Variants in HCN4 observed in about 807,000 individuals in gnomAD.
The protein encoded by HCN4 is potassium/sodium hyperpolarization-activated cyclic nucleotide-gated channel 4.
A neutral mutation model predicts 76.9 loss-of-function variants in HCN4; 29 were observed. The ratio of observed to expected loss-of-function variants is 0.38; its 90% CI spans 0.28 to 0.51. HCN4 has a LOEUF of 0.51. Ranked by LOEUF, HCN4 falls within the 20% of genes least tolerant of loss-of-function variation. The probability of loss-of-function intolerance (pLI) is 0.90; values close to 1 mark genes in which losing one functional copy is unlikely to be tolerated. For missense variants in HCN4, 1,416 were observed against 1,715.2 expected (o/e 0.83, Z 3.08); for synonymous variants, 772 against 762.5 (o/e 1.01, Z -0.21).
intron 1 of HCN4, among the ~76,000 whole-genome samples, chr15:73,364,730 G>A (rs1018322727): frequency 1.3e-5 from 2 of 152,136 alleles, no homozygotes; most frequent in African/African-American, 4.8e-5. Flanking sequence ...ATCGGGGGCA[G>A]GTAGAGTAAT....
At chr15:73,344,706 G>A (rs2043022366) in intron 1 of HCN4, among the ~76,000 whole-genome samples, 1 of 152,194 alleles carries the variant, frequency 6.6e-6, no homozygotes, top group Non-Finnish European at 1.5e-5. Flanking sequence ...TCAGGGCAAA[G>A]CCTTGGAGAA....
At chr15:73,362,993 A>G (rs2043112580) in intron 1 of HCN4, among the ~76,000 whole-genome samples, 1 of 152,210 alleles carries the variant, frequency 6.6e-6, no homozygotes, top group Non-Finnish European at 1.5e-5. Context: ...CTGCCTTGTC[A>G]GGTGGGACAC....
intron 1 of HCN4, among the ~76,000 whole-genome samples, chr15:73,352,862 G>T (rs926596227): frequency 3.3e-5 from 5 of 152,216 alleles, no homozygotes; most frequent in African/African-American, 9.6e-5. Context: ...GACCCAGGAG[G>T]AGTCTTAGGG....
chr15:73,339,298 G>A (rs948593427), intron 2 of HCN4, among the ~76,000 whole-genome samples: 6 of 152,186 alleles, frequency 3.9e-5, no homozygotes, highest in Admixed American at 2.0e-4. Flanking sequence ...CCAAGATGGT[G>A]GCCCACCTGC....
chr15:73,325,403 C>A lies in HCN4; in HGVS notation c.1632G>T (p.Pro544=), dbSNP rs544585089. 6.2e-7 allele frequency: 1 copy of A among 1,614,096 alleles called. No individual in the cohort carries two copies. The highest frequency in any genetic ancestry group is 1.1e-5 in the South Asian group (1 of 91,082). Residue 544 remains proline (P), a synonymous_variant, in exon 5 of 8, where the codon CCG becomes CCT. Transcript: ENST00000261917. The surrounding 1 kb of genome is among the most constrained non-coding windows in gnomAD (Gnocchi z 7.4). ...VEQYMSFHKL[P]PDTRQRIHDY... is the part of the protein sequence containing the mutation. Reference sequence around the variant, plus strand: ...CGTGGATGCGCTGCCGGGTGTCGGGCGGGAGCTTGTGAAAGGACATGTACT... The same window carrying A: ...CGTGGATGCGCTGCCGGGTGTCGGGAGGGAGCTTGTGAAAGGACATGTACT...
At position 73,322,571 on chromosome 15, in the gene HCN4, A is replaced by G. The variant is rs2042866436; in HGVS notation, c.3522T>C (p.Ser1174=). Residue 1174 remains serine, a synonymous_variant, in exon 8 of 8, where the codon TCT becomes TCC. Coordinates refer to ENST00000261917, the MANE Select transcript of HCN4 (RefSeq NM_005477.3). ...PLSLFGARAT[S]SGGPPLTAGP... ...CAGCAGTCAGAGGGGGCCCCCCAGA[A>G]GAGGTGGCTCTTGCCCCAAACAAAG... is the stretch of plus-strand genomic sequence containing the variant. The G allele has an allele frequency of 1.2e-6, 2 of 1,609,272 alleles. No individual in the cohort carries two copies. The highest frequency in any genetic ancestry group is 4.5e-5 in the East Asian group (2 of 44,702).
At chr15:73,362,645 C>T (rs2043110258) in intron 1 of HCN4, among the ~76,000 whole-genome samples, 2 of 152,202 alleles carry the variant, frequency 1.3e-5, no homozygotes, top group Admixed American at 6.5e-5. Context: ...CCTGGGGACA[C>T]TGGGCCCTAA....
chr15:73,355,710 C>T (rs2043075342), intron 1 of HCN4, among the ~76,000 whole-genome samples: 1 of 152,206 alleles, frequency 6.6e-6, no homozygotes, highest in Non-Finnish European at 1.5e-5. Flanking sequence ...TCCTCCTCTG[C>T]AGACCCTATG....
intron 1 of HCN4, among the ~76,000 whole-genome samples, chr15:73,344,320 G>C (rs1278525618): frequency 6.6e-6 from 1 of 152,132 alleles, no homozygotes; most frequent in Non-Finnish European, 1.5e-5. Flanking sequence ...GGAGGCCCAG[G>C]CTCCGGCCCC....
intron 2 of HCN4, among the ~76,000 whole-genome samples, chr15:73,341,739 G>A (rs2043004945): frequency 6.6e-6 from 1 of 152,146 alleles, no homozygotes; most frequent in African/African-American, 2.4e-5. Flanking sequence ...GGAGAGTCAC[G>A]GCCCCTCTCT....
rs754727672 is a variant in HCN4 at position 73,324,198 on chromosome 15, G to A, written c.2034C>T (p.Tyr678=). Residue 678 remains tyrosine, a synonymous_variant, in exon 7 of 8, where the codon TAC becomes TAT. Coordinates refer to ENST00000261917, the MANE Select transcript of HCN4 (RefSeq NM_005477.3). ...RRTASVRADT[Y]CRLYSLSVDN... is the part of the protein sequence containing the mutation. The stretch of plus-strand genomic sequence containing the variant: ...CCACGCTCAGCGAGTAGAGGCGGCA[G>A]TAGGTGTCGGCCCTCACGCTGGCTG... The A allele has an allele frequency of 1.2e-6, 2 of 1,614,122 alleles. No individual in the cohort carries two copies. The highest frequency in any genetic ancestry group is 2.7e-5 in the African/African-American group (2 of 75,066).
intron 1 of HCN4, among the ~76,000 whole-genome samples, chr15:73,360,346 A>G (rs1322776594): frequency 6.6e-6 from 1 of 152,126 alleles, no homozygotes; most frequent in Non-Finnish European, 1.5e-5. Context: ...TGTGACCTTG[A>G]GCCAGCTGCT....
chr15:73,325,030 T>G lies in HCN4; in HGVS notation c.1903A>C (p.Ile635Leu). 6.2e-7 allele frequency: 1 copy of G among 1,614,228 alleles called. No homozygotes were observed. Among genetic ancestry groups the G allele is most frequent in the Non-Finnish European group, 8.5e-7 (1 of 1,180,050 alleles). Residue 635 changes from isoleucine (I) to leucine (L), a missense_variant, in exon 6 of 8, where the codon ATC becomes CTC. This residue lies in a region of HCN4 where 241 missense variants were observed against 379.4 expected (regional missense o/e 0.64). Coordinates refer to ENST00000261917, the MANE Select transcript of HCN4 (RefSeq NM_005477.3). This position sits in a 1 kb window ranked among gnomAD's most constrained non-coding sequence, Gnocchi z 7.4. ...EGTIGKKMYFIQHGVVSVLTK... is the reference protein window; with the variant it reads ...EGTIGKKMYFLQHGVVSVLTK... ...AGCACGCTGACCACGCCATGCTGGA[T>G]GAAGTACATCTTCTTGCCAATGGTG...
intron 2 of HCN4, among the ~76,000 whole-genome samples, chr15:73,337,567 A>T (rs2042974364): frequency 6.6e-6 from 1 of 152,160 alleles, no homozygotes; most frequent in Non-Finnish European, 1.5e-5. Context: ...TATCGCCTTT[A>T]TCTTTTCATT....
intron 2 of HCN4, 111 bp from the exon 3 acceptor site, chr15:73,332,403 C>T (rs1461678124): frequency 5.5e-6 from 6 of 1,095,078 alleles, no homozygotes; most frequent in African/African-American, 4.6e-5. Context: ...CTGGACTCTG[C>T]AGGGCGCCCA....
At chr15:73,347,487 G>T (rs1056790400) in intron 1 of HCN4, among the ~76,000 whole-genome samples, 1 of 152,196 alleles carries the variant, frequency 6.6e-6, no homozygotes. Flanking sequence ...CCTGATGCTA[G>T]GGCTGTCTGA....
rs1211118308 is a variant in HCN4, at chr15:73,319,997, C to T, written c.*2484G>A. On this transcript the variant is annotated 3_prime_UTR_variant, in exon 8 of 8. Coordinates refer to ENST00000261917, the MANE Select transcript of HCN4 (RefSeq NM_005477.3). The stretch of plus-strand genomic sequence containing the variant: ...TGCCTGCACCTGTCTGTCCCAGTCT[C>T]TGCAGAGTGGCCAGGTTGGGTCAGA... 1 of 152,228 alleles carries T rather than the reference C, an allele frequency of 6.6e-6. No individual in the cohort carries two copies. Among genetic ancestry groups the T allele is most frequent in the East Asian group, 1.9e-4 (1 of 5,196 alleles). The allele number at this position is 152,228 out of a possible 1,614,324, so 9.4% of individuals were successfully genotyped here. A position where few individuals can be genotyped will look rare whatever the true frequency, so the allele number is the denominator to read the frequency against.
intron 1 of HCN4, among the ~76,000 whole-genome samples, chr15:73,365,643 G>A (rs901059853): frequency 2.6e-5 from 4 of 152,354 alleles, no homozygotes; most frequent in Admixed American, 1.3e-4. Context: ...AGGTAAGGGA[G>A]ATAGGAAGGG....
rs748390014 is a variant in HCN4 at position 73,322,519 on chromosome 15, G to A, written c.3574C>T (p.Pro1192Ser). 6.2e-7 allele frequency: 1 copy of A among 1,602,698 alleles called. No individual in the cohort carries two copies. Among genetic ancestry groups the A allele is most frequent in the Non-Finnish European group, 8.5e-7 (1 of 1,174,762 alleles). The change falls in exon 8 of 8, where the codon CCT becomes TCT. Residue 1192 changes from proline (P) to serine (S), a missense_variant. Coordinates refer to ENST00000261917, the MANE Select transcript of HCN4 (RefSeq NM_005477.3). The part of the protein sequence containing the change: ...AGPQREPGAR[P>S]EPVRSKLPSN... ...GGCAGTTTGGAGCGCACTGGCTCAG[G>A]CCTGGCCCCAGGTTCCCTCTGGGGT... is the stretch of plus-strand genomic sequence containing the variant.
Sources: allele counts gnomAD v4.1 joint callset (sites outside exome capture counted in the v4.1 genomes callset), GRCh38; gene constraint gnomAD v4.1.1; regional missense constraint gnomAD v4.1.1; non-coding constraint Gnocchi (gnomAD v3.1); transcripts MANE v1.5; gene names NCBI Gene and HGNC (gene_info 2026-07-23, HGNC 2026-07-21).